TM6SF2: variants seen among roughly 807,000 people sequenced by gnomAD.
The protein encoded by TM6SF2 is transmembrane 6 superfamily member 2.
A neutral mutation model predicts 41.0 loss-of-function variants in TM6SF2; 29 were observed. The observed-to-expected ratio is 0.71, with a 90% CI of 0.53 to 0.96. TM6SF2 has a LOEUF of 0.96. TM6SF2 is among the 50% of genes least tolerant of loss of function. TM6SF2 has a pLI of 0.00. For missense variants in TM6SF2, 475 were observed against 499.0 expected, an observed-to-expected ratio of 0.95 and a Z score of 0.46; for synonymous variants, 200 against 209.1, an observed-to-expected ratio of 0.96 and a Z score of 0.37.
In TM6SF2 at chr19:19,270,380, A is replaced by T. The variant is rs752479397; in HGVS notation, c.262T>A (p.Tyr88Asn). 3 of 1,612,582 alleles carry T rather than the reference A, an allele frequency of 1.9e-6. No individual in the cohort carries two copies. The African/African-American group carries it at 4.0e-5, about 22-fold the overall frequency. The change falls in exon 3 of 10, where the codon TAT (tyrosine) becomes AAT (asparagine). Residue 88 changes from tyrosine to asparagine, a missense_variant. Tyr to Asn is a moderately radical substitution (Grantham distance 143). Around this residue, in one of 3 missense-constraint regions of TM6SF2, gnomAD observed 238 missense variants for 228.6 expected, o/e 1.04. Coordinates refer to ENST00000389363, the MANE Select transcript of TM6SF2 (RefSeq NM_001001524.3). ...DLIIALQEDSYVVGFMEFYTK... is the reference protein window; with the variant it reads ...DLIIALQEDSNVVGFMEFYTK... ...TAGAACTCCATGAAGCCCACCACAT[A>T]GCTGTCTTCCTGAAGAGCGATGATG...
intron 1 of TM6SF2, 34 bp from the exon 2 acceptor site, chr19:19,271,159 G>T: frequency 6.4e-7 from 1 of 1,561,566 alleles, no homozygotes; most frequent in Non-Finnish European, 8.8e-7. Context: ...GGGAGGCCAG[G>T]CCCAGTGCTG....
chr19:19,270,056 G>C (rs750852905), intron 4 of TM6SF2, 117 bp downstream of exon 4: 3 of 1,547,840 alleles, frequency 1.9e-6, no homozygotes, highest in Middle Eastern at 1.7e-4. Context: ...TGGAGCCCTA[G>C]AGAGGCGTCC....
chr19:19,269,974 G>A, intron 4 of TM6SF2, 199 bp downstream of exon 4: 2 of 1,481,946 alleles, frequency 1.3e-6, no homozygotes, highest in Non-Finnish European at 1.8e-6. Context: ...GGCACAGGGT[G>A]GATGTAAGCA....
intron 1 of TM6SF2, among the ~76,000 whole-genome samples, chr19:19,272,040 CT>C (rs2061025967): frequency 6.6e-6 from 1 of 152,186 alleles, no homozygotes; most frequent in Non-Finnish European, 1.5e-5. Flanking sequence ...CACCCTACCC[CT>C]GCCCTGATCT....
chr19:19,265,518 A>G (rs891608978), intron 9 of TM6SF2, among the ~76,000 whole-genome samples: 4 of 152,144 alleles, frequency 2.6e-5, no homozygotes, highest in Non-Finnish European at 5.9e-5. Flanking sequence ...TCCTGGGCTC[A>G]AGTGATCCTC....
Position 19,265,132 on chromosome 19 carries a change from C to T in TM6SF2, c.925-259G>A, listed in dbSNP as rs930253225. ...TCTCGGTTCACTGCAACCTCCGCTG[C>T]CTCCTGGGTTCAAGTGATTCTCGTG... On this transcript the variant is annotated intron_variant, in intron 9 of 9. Transcript: ENST00000389363. Among the ~76,000 whole-genome samples, 6 of 150,800 alleles carry T rather than the reference C, an allele frequency of 4.0e-5. No homozygotes were observed. The Admixed American group carries it at 4.0e-4, about 10-fold the overall frequency.
At position 19,269,750 on chromosome 19, in the gene TM6SF2, C is replaced by A; in HGVS notation, c.421G>T (p.Gly141Ter). 1.2e-6 allele frequency: 2 copies of A among 1,614,128 alleles called. No individual in the cohort carries two copies. Among genetic ancestry groups the A allele is most frequent in the Non-Finnish European group, 1.7e-6 (2 of 1,179,992 alleles). The change falls in exon 5 of 10, where the codon GGA (glycine) becomes TGA (stop). Residue 141 changes from glycine to a stop codon, truncating the protein, a stop_gained. Transcript: ENST00000389363. LOFTEE classifies it high-confidence loss of function. ...GCGAAGGAACCCAGCCAGTAGAGTC[C>A]AAAATTCCGGTATCTCTTCCTGAGC... ...ICRRKRYRNFGLYWLGSFAMS... is the reference protein window; with the variant it reads ...ICRRKRYRNF
At chr19:19,267,408 A>C (rs2061007109) in intron 8 of TM6SF2, among the ~76,000 whole-genome samples, 2 of 151,688 alleles carry the variant, frequency 1.3e-5, no homozygotes, top group South Asian at 4.2e-4. Context: ...AAGAAAAGAA[A>C]GGAAAAGAAA....
chr19:19,270,322 C>A (rs2061018859), intron 3 of TM6SF2, 23 bp downstream of exon 3: 1 of 1,614,084 alleles, frequency 6.2e-7, no homozygotes, highest in Admixed American at 1.7e-5. Flanking sequence ...CGGTAGGGGG[C>A]TCCCTGGTCG....
intron 8 of TM6SF2, among the ~76,000 whole-genome samples, chr19:19,267,367 TAAAAAAA>T (rs764335067): frequency 1.1e-3 from 132 of 116,994 alleles, no homozygotes; most frequent in Non-Finnish European, 2.0e-3. Flanking sequence ...AAACTCTGTT[TAAAAAAA>T]AAAAAAAAAA....
intron 6 of TM6SF2, 65 bp downstream of exon 6, chr19:19,268,565 A>C: frequency 6.6e-7 from 1 of 1,505,218 alleles, no homozygotes; most frequent in Non-Finnish European, 8.8e-7. Context: ...CTTTGACCAA[A>C]AGCAACTGAC....
At chr19:19,267,497 T>C in intron 8 of TM6SF2, 124 bp downstream of exon 8, 2 of 646,868 alleles carry the variant, frequency 3.1e-6, no homozygotes, top group Non-Finnish European at 2.6e-6. Context: ...CCTTTTTTGG[T>C]AGGACAGTAA....
chr19:19,273,201 C>A lies in TM6SF2; in HGVS notation c.15G>T (p.Pro5=). Reference sequence around the variant, plus strand: ...ACAGCGCCGCGATCTTGCCGGCCAGCGGCGGGATGTCCATAGCGGCGGCTG... The same window carrying A: ...ACAGCGCCGCGATCTTGCCGGCCAGAGGCGGGATGTCCATAGCGGCGGCTG... MDIP[P]LAGKIAALSL... Residue 5 remains proline (P), a synonymous_variant, in exon 1 of 10, where the codon CCG becomes CCT. Coordinates refer to ENST00000389363, the MANE Select transcript of TM6SF2 (RefSeq NM_001001524.3). 3 of 1,446,652 alleles carry A rather than the reference C, an allele frequency of 2.1e-6. No homozygotes were observed. The highest frequency in any genetic ancestry group is 1.4e-5 in the South Asian group (1 of 72,172). The allele number at this position is 1,446,652 out of a possible 1,614,324, so 89.6% of individuals were successfully genotyped here.
At position 19,266,708 on chromosome 19, in the gene TM6SF2, C is replaced by A. The variant is rs540634411; in HGVS notation, c.805-99G>T. On this transcript the variant is annotated intron_variant, in intron 8 of 9. Transcript: ENST00000389363. ...TGAGGTGGAGGCCCTGAGGAAGGAT[C>A]TGGATGGCCTCAGACCCCACCCAGG... 2.0e-5 allele frequency: 29 copies of A among 1,447,806 alleles called. No individual in the cohort carries two copies. In the African/African-American group the frequency reaches 3.8e-4, roughly 19 times the overall value. The allele number at this position is 1,447,806 out of a possible 1,614,324, so 89.7% of individuals were successfully genotyped here. A position where few individuals can be genotyped will look rare whatever the true frequency, so the allele number is the denominator to read the frequency against.
intron 6 of TM6SF2, 90 bp from the exon 7 acceptor site, chr19:19,268,177 C>A: frequency 1.2e-6 from 1 of 849,102 alleles, no homozygotes; most frequent in East Asian, 2.9e-5. Context: ...AGGCTCCTCC[C>A]TTCTTTCTTT....
chr19:19,264,801 AGGTGTCCTCAGGCACAC>A lies in TM6SF2; in HGVS notation c.980_996del (p.Arg327LeufsTer84), dbSNP rs2060997074. ...AGATTGCACACGAAGAAGCAGCCCC[AGGTGTCCTCAGGCACAC>A]GGTAGGTGAAGGGTGTGCGCAGGTG... On this transcript the variant is annotated frameshift_variant, in exon 10 of 10. Coordinates refer to ENST00000389363, the MANE Select transcript of TM6SF2 (RefSeq NM_001001524.3). LOFTEE classifies it low-confidence loss of function (END_TRUNC). 2 of 1,608,578 alleles carry A rather than the reference AGGTGTCCTCAGGCACAC, an allele frequency of 1.2e-6. No individual in the cohort carries two copies. The highest frequency in any genetic ancestry group is 1.7e-6 in the Non-Finnish European group (2 of 1,177,680).
chr19:19,270,568 C>CT, intron 2 of TM6SF2, 126 bp from the exon 3 acceptor site: 1 of 1,187,298 alleles, frequency 8.4e-7, no homozygotes, highest in African/African-American at 1.5e-5. Flanking sequence ...GGACTCCAGG[C>CT]CCAGTCCCTG....
Position 19,268,612 on chromosome 19 carries a change from G to C in TM6SF2, c.609+18C>G. On this transcript the variant is annotated intron_variant, in intron 6 of 9. Coordinates refer to ENST00000389363, the MANE Select transcript of TM6SF2 (RefSeq NM_001001524.3). ...TCAGGCACATTGGGACAAGGCCTAAGAGGGGTAAGGCACTCACCATGTTGG... is the reference window on the plus strand; with the variant it reads ...TCAGGCACATTGGGACAAGGCCTAACAGGGGTAAGGCACTCACCATGTTGG... 1 of 1,560,986 alleles carries C rather than the reference G, an allele frequency of 6.4e-7. No individual in the cohort carries two copies. The highest frequency in any genetic ancestry group is 1.4e-5 in the African/African-American group (1 of 70,740).
chr19:19,264,774 G>A lies in TM6SF2; in HGVS notation c.1024C>T (p.Leu342=), dbSNP rs188787025. ...TWGCFFVCNL[L]YALGPHLLAY... ...AGCAGGTGGGGGCCCAGCGCATACA[G>A]CAGATTGCACACGAAGAAGCAGCCC... The change falls in exon 10 of 10, where the codon CTG becomes TTG. Residue 342 remains leucine (L), a synonymous_variant. Coordinates refer to ENST00000389363, the MANE Select transcript of TM6SF2 (RefSeq NM_001001524.3). The A allele has an allele frequency of 4.3e-6, 7 of 1,611,010 alleles. No individual in the cohort carries two copies. Among genetic ancestry groups the A allele is most frequent in the Non-Finnish European group, 5.9e-6 (7 of 1,178,748 alleles).
Sources: gnomAD v4.1 joint callset for allele counts (sites outside exome capture counted in the v4.1 genomes callset) on GRCh38, gnomAD v4.1.1 for gene constraint, gnomAD v4.1.1 regional missense constraint, MANE v1.5 for transcripts, NCBI Gene and HGNC (gene_info 2026-07-23, HGNC 2026-07-21) for gene names.